The following GAS7 variants were observed in gnomAD, a reference collection of about 807,000 sequenced individuals.
GAS7 encodes growth arrest specific 7.
A neutral mutation model predicts 71.1 loss-of-function variants in GAS7; 28 were observed. The ratio of observed to expected loss-of-function variants is 0.39; its 90% CI spans 0.29 to 0.54. GAS7 has a LOEUF of 0.54. GAS7 is among the 20% of genes least tolerant of loss of function. The pLI is 0.62. For missense variants in GAS7, 436 were observed against 627.8 expected, an observed-to-expected ratio of 0.69 and a Z score of 3.27; for synonymous variants, 258 against 245.8, an observed-to-expected ratio of 1.05 and a Z score of -0.46.
chr17:10,008,780 C>G (rs1249939993), intron 2 of GAS7, among the ~76,000 whole-genome samples: 1 of 152,160 alleles, frequency 6.6e-6, no homozygotes, highest in Non-Finnish European at 1.5e-5. Context: ...CTCTCTCTCT[C>G]TCTCTCACAC....
intron 1 of GAS7, among the ~76,000 whole-genome samples, chr17:10,024,922 T>C (rs1416950727): frequency 6.6e-6 from 1 of 152,212 alleles, no homozygotes; most frequent in African/African-American, 2.4e-5. Context: ...AATGACTTTT[T>C]ACCAGTCACC....
At chr17:10,016,921 G>A (rs1440268899) in intron 2 of GAS7, among the ~76,000 whole-genome samples, 1 of 150,626 alleles carries the variant, frequency 6.6e-6, no homozygotes, top group Non-Finnish European at 1.5e-5. Context: ...CTGCACTCTA[G>A]CCTGGGCAAC....
At chr17:9,979,304 G>A (rs1286107465) in intron 3 of GAS7, among the ~76,000 whole-genome samples, 1 of 152,148 alleles carries the variant, frequency 6.6e-6, no homozygotes, top group Non-Finnish European at 1.5e-5. Flanking sequence ...TGGGGGCAGA[G>A]GGGGACAGGA....
At chr17:10,192,730 C>T (rs924765604) in intron 1 of GAS7, among the ~76,000 whole-genome samples, 1 of 152,206 alleles carries the variant, frequency 6.6e-6, no homozygotes, top group African/African-American at 2.4e-5. Context: ...GTCCAGCACA[C>T]AAGTGTGACA....
intron 8 of GAS7, among the ~76,000 whole-genome samples, chr17:9,939,415 A>C: frequency 6.6e-6 from 1 of 152,068 alleles, no homozygotes; most frequent in African/African-American, 2.4e-5. Context: ...CACAGGAGAG[A>C]GCTCCAGACA....
At chr17:10,157,641 G>C (rs900719059) in intron 1 of GAS7, among the ~76,000 whole-genome samples, 3 of 152,188 alleles carry the variant, frequency 2.0e-5, no homozygotes, top group Non-Finnish European at 4.4e-5. Context: ...TTGTAGGTGT[G>C]AGAATCTGCT....
chr17:10,167,944 C>T (rs1052507095), intron 1 of GAS7, among the ~76,000 whole-genome samples: 2 of 151,906 alleles, frequency 1.3e-5, no homozygotes, highest in African/African-American at 2.4e-5. Flanking sequence ...AGCCACCTGC[C>T]CACCTCAGCC....
intron 1 of GAS7, among the ~76,000 whole-genome samples, chr17:10,132,828 G>A (rs1277143152): frequency 6.6e-6 from 1 of 151,916 alleles, no homozygotes; most frequent in Non-Finnish European, 1.5e-5. Context: ...TGGGGGAGGG[G>A]CTTCATTCAT....
chr17:9,999,651 G>C (rs1430311051), intron 2 of GAS7, among the ~76,000 whole-genome samples: 8 of 152,194 alleles, frequency 5.3e-5, no homozygotes, highest in Admixed American at 5.2e-4. Flanking sequence ...AAAGCCACTT[G>C]TAAACTTGCT....
At chr17:10,181,112 A>G (rs2074411726) in intron 1 of GAS7, among the ~76,000 whole-genome samples, 1 of 150,194 alleles carries the variant, frequency 6.7e-6, no homozygotes, top group South Asian at 2.2e-4. Flanking sequence ...CTGTAATCCC[A>G]GCACTTTGGG....
chr17:9,911,765 A>C lies in GAS7; in HGVS notation c.*5463T>G, dbSNP rs749657895. ...CCGGGGGCTCAGGCTTCCTGGCCCT[A>C]ATCTTCACCTGGCCTGGATCCAGAA... On this transcript the variant is annotated 3_prime_UTR_variant, in exon 14 of 14. Transcript: ENST00000432992. This position sits in a 1 kb window ranked among gnomAD's most constrained non-coding sequence, Gnocchi z 4.0. The C allele has an allele frequency of 8.6e-5, 20 of 231,678 alleles. No individual in the cohort carries two copies. The Admixed American group carries it at 1.1e-3, about 13-fold the overall frequency. 14.4% of individuals were successfully genotyped at this position (231,678 alleles called of 1,614,324 possible).
At chr17:10,186,618 C>A (rs1304088797) in intron 1 of GAS7, among the ~76,000 whole-genome samples, 1 of 152,066 alleles carries the variant, frequency 6.6e-6, no homozygotes, top group Non-Finnish European at 1.5e-5. Flanking sequence ...ATTGGCCAGG[C>A]TGGTCTCGAA....
chr17:9,950,733 G>A (rs566590995), intron 5 of GAS7, among the ~76,000 whole-genome samples: 4 of 152,124 alleles, frequency 2.6e-5, no homozygotes, highest in Admixed American at 6.5e-5. Context: ...GTGGGCGCCT[G>A]TAATCCCAGC....
intron 1 of GAS7, among the ~76,000 whole-genome samples, chr17:10,098,773 C>T (rs2152260027): frequency 1.3e-5 from 2 of 152,250 alleles, no homozygotes; most frequent in South Asian, 4.1e-4. Flanking sequence ...TCCTGGCTAA[C>T]ACGGTGAAGC....
At chr17:10,083,760 G>T (rs1186123803) in intron 1 of GAS7, among the ~76,000 whole-genome samples, 3 of 152,344 alleles carry the variant, frequency 2.0e-5, no homozygotes, top group Middle Eastern at 3.4e-3. Flanking sequence ...CTCAGAATGG[G>T]GAGTGCATGC....
chr17:10,063,728 C>T (rs2073245220), intron 1 of GAS7, among the ~76,000 whole-genome samples: 1 of 152,188 alleles, frequency 6.6e-6, no homozygotes, highest in African/African-American at 2.4e-5. Context: ...CTTAACTCAT[C>T]ACCTCCACTC....
intron 1 of GAS7, among the ~76,000 whole-genome samples, chr17:10,183,664 C>T (rs1023843423): frequency 5.9e-5 from 9 of 152,126 alleles, no homozygotes; most frequent in Admixed American, 4.6e-4. Context: ...ACGGTGAAAC[C>T]CCGTCTCTAC....
At chr17:9,931,850 C>T (rs986881304) in intron 9 of GAS7, among the ~76,000 whole-genome samples, 1 of 152,152 alleles carries the variant, frequency 6.6e-6, no homozygotes, top group Non-Finnish European at 1.5e-5. Context: ...TTAGAAAGTC[C>T]TTTCACGTGT....
At position 9,959,636 on chromosome 17, in the gene GAS7, G is replaced by A; in HGVS notation, c.472-381C>T. On this transcript the variant is annotated intron_variant, in intron 4 of 13. Transcript: ENST00000432992. This position sits in a 1 kb window ranked among gnomAD's most constrained non-coding sequence, Gnocchi z 5.0. ...ATCCACTGGGGAGAAGAGAGTTAAG[G>A]CCACCACCTCCTGGCACTGAGGAAT... The A allele has an allele frequency of 2.9e-6, 1 of 339,246 alleles. No individual in the cohort carries two copies. Among genetic ancestry groups the A allele is most frequent in the Non-Finnish European group, 5.4e-6 (1 of 186,168 alleles). 21.0% of individuals were successfully genotyped at this position (339,246 alleles called of 1,614,324 possible).
Sources: gnomAD v4.1 joint callset for allele counts (sites outside exome capture counted in the v4.1 genomes callset) on GRCh38, gnomAD v4.1.1 for gene constraint, Gnocchi (gnomAD v3.1) non-coding constraint, MANE v1.5 for transcripts, NCBI Gene and HGNC (gene_info 2026-07-23, HGNC 2026-07-21) for gene names.